The following FIGN variants were observed in gnomAD, a reference collection of about 807,000 sequenced individuals.
FIGN encodes the protein fidgetin.
In FIGN, 11 loss-of-function variants were observed where a neutral mutation model predicts 51.3. That is an observed-to-expected ratio of 0.21 (90% confidence interval 0.13 to 0.35). The LOEUF (loss-of-function observed/expected upper bound fraction) is 0.35, where lower values mean the gene tolerates loss of function less well. FIGN is among the 10% of genes least tolerant of loss of function. FIGN has a pLI of 1.00. For synonymous variants in FIGN, 407 were observed against 363.2 expected (o/e 1.12, Z -1.37); for missense variants, 857 against 943.6 (o/e 0.91, Z 1.20).
chr2:163,724,456 AG>A (rs772035057), intron 2 of FIGN, among the ~76,000 whole-genome samples: 32 of 152,158 alleles, frequency 2.1e-4, no homozygotes, highest in Non-Finnish European at 4.4e-5. Context: ...TCATCTGAGG[AG>A]TTTAAAATCT....
At chr2:163,677,065 T>C (rs1683984345) in intron 2 of FIGN, among the ~76,000 whole-genome samples, 1 of 152,222 alleles carries the variant, frequency 6.6e-6, no homozygotes, top group Non-Finnish European at 1.5e-5. Context: ...ATATCCTTGT[T>C]GACTCTTGCA....
chr2:163,704,778 A>G (rs908451135), intron 2 of FIGN, among the ~76,000 whole-genome samples: 2 of 151,896 alleles, frequency 1.3e-5, no homozygotes, highest in African/African-American at 4.8e-5. Flanking sequence ...AGCTAATGGG[A>G]TATTTCAAAT....
chr2:163,728,244 G>T lies in FIGN; in HGVS notation c.25+6659C>A, dbSNP rs193110948. 2.9e-3 allele frequency among the ~76,000 whole-genome samples: 394 copies of T among 135,374 alleles called. 1 individual carries two copies. The highest frequency in any genetic ancestry group is 0.011 in the African/African-American group (385 of 33,908). 88.8% of individuals were successfully genotyped at this position (135,374 alleles called of 152,430 possible). The stretch of plus-strand genomic sequence containing the variant: ...CAGCATTTTGTATCAGATAATGTAG[G>T]ATTTCTACATAAAAATACTCATTTT... On this transcript the variant is annotated intron_variant, in intron 2 of 2. Transcript: ENST00000333129.
chr2:163,709,650 C>T (rs77627266), intron 2 of FIGN, among the ~76,000 whole-genome samples: 1,686 of 152,258 alleles, frequency 0.011, 20 homozygotes, highest in Non-Finnish European at 0.014. Context: ...CTGAACAGGA[C>T]TTTGCAGACC....
intron 2 of FIGN, among the ~76,000 whole-genome samples, chr2:163,710,963 A>G (rs147261716): frequency 2.6e-5 from 4 of 152,336 alleles, no homozygotes; most frequent in African/African-American, 9.6e-5. Flanking sequence ...CTTTTCAATT[A>G]ATATAAACTT....
In FIGN at chr2:163,611,350, G is replaced by C; in HGVS notation, c.482C>G (p.Pro161Arg). ...TCCACAGGTACTACTTGAATAACTA[G>C]GTTCTGTCAGGTTGCTGGCTACCCC... ...SPGVASNLTE[P>R]SYSSSTCGSH... Residue 161 changes from proline to arginine, a missense_variant, in exon 3 of 3, where the codon CCT becomes CGT. Pro to Arg is a moderately radical substitution (Grantham distance 103). Coordinates refer to ENST00000333129, the MANE Select transcript of FIGN (RefSeq NM_018086.4). 1 of 1,614,140 alleles carries C rather than the reference G, an allele frequency of 6.2e-7. No individual in the cohort carries two copies. The highest frequency in any genetic ancestry group is 8.5e-7 in the Non-Finnish European group (1 of 1,180,026).
intron 2 of FIGN, among the ~76,000 whole-genome samples, chr2:163,707,081 CCT>C (rs1299373411): frequency 3.3e-5 from 5 of 152,020 alleles, no homozygotes; most frequent in Admixed American, 3.3e-4. Context: ...AAATTTCAAT[CCT>C]CTTTTATTTC....
intron 2 of FIGN, among the ~76,000 whole-genome samples, chr2:163,672,960 T>C (rs757927377): frequency 2.0e-5 from 3 of 152,208 alleles, no homozygotes; most frequent in Non-Finnish European, 4.4e-5. Flanking sequence ...TGAAGTGCAA[T>C]AGGGGACCAA....
At position 163,660,881 on chromosome 2, in the gene FIGN, T is replaced by TATA. The variant is rs1559012670; in HGVS notation, c.26-49076_26-49075insTAT. ...TACATATATATATATATATATATAT[T>TATA]TTTTTTTTTTTTTTTTTTTTTTTTG... is the stretch of plus-strand genomic sequence containing the variant. On this transcript the variant is annotated intron_variant, in intron 2 of 2. Transcript: ENST00000333129. Among the ~76,000 whole-genome samples the TATA allele has an allele frequency of 5.2e-3, 12 of 2,302 alleles. 1 individual carries two copies. Among genetic ancestry groups the TATA allele is most frequent in the African/African-American group, 8.8e-3 (12 of 1,362 alleles). 1.5% of individuals were successfully genotyped at this position (2,302 alleles called of 152,430 possible).
chr2:163,629,751 G>T (rs527941033), intron 2 of FIGN, among the ~76,000 whole-genome samples: 1 of 151,966 alleles, frequency 6.6e-6, no homozygotes, highest in Admixed American at 6.6e-5. Flanking sequence ...AATATTTACC[G>T]TCTATCCCTT....
At chr2:163,652,757 G>A (rs1683498469) in intron 2 of FIGN, among the ~76,000 whole-genome samples, 1 of 151,990 alleles carries the variant, frequency 6.6e-6, no homozygotes, top group Non-Finnish European at 1.5e-5. Context: ...TAAAATGTCT[G>A]TATTTGCTGA....
chr2:163,685,048 G>A (rs1329863031), intron 2 of FIGN, among the ~76,000 whole-genome samples: 2 of 151,164 alleles, frequency 1.3e-5, no homozygotes, highest in Non-Finnish European at 2.9e-5. Context: ...GCCTCCCAAA[G>A]TGCTGGGATT....
chr2:163,707,159 C>T (rs192389638), intron 2 of FIGN, among the ~76,000 whole-genome samples: 132 of 152,094 alleles, frequency 8.7e-4, no homozygotes, highest in African/African-American at 3.1e-3. Flanking sequence ...CTCCTCTGGC[C>T]AACATGGTGA....
intron 2 of FIGN, among the ~76,000 whole-genome samples, chr2:163,644,353 T>C (rs549597306): frequency 6.6e-6 from 1 of 152,190 alleles, no homozygotes; most frequent in Non-Finnish European, 1.5e-5. Context: ...TTAGTCATCA[T>C]GAAAATGCAA....
At chr2:163,623,466 G>A (rs1683004561) in intron 2 of FIGN, among the ~76,000 whole-genome samples, 1 of 152,028 alleles carries the variant, frequency 6.6e-6, no homozygotes, top group Admixed American at 6.6e-5. Context: ...GAAGGTCTAG[G>A]TTTACAGGAA....
intron 2 of FIGN, among the ~76,000 whole-genome samples, chr2:163,693,198 A>G (rs576445912): frequency 6.6e-6 from 1 of 152,260 alleles, no homozygotes; most frequent in East Asian, 1.9e-4. Context: ...CACAACTGGC[A>G]TAGGCCCTTT....
chr2:163,650,419 T>C (rs1683453669), intron 2 of FIGN, among the ~76,000 whole-genome samples: 1 of 152,138 alleles, frequency 6.6e-6, no homozygotes, highest in African/African-American at 2.4e-5. Context: ...ATACTTTAAG[T>C]TCTGCGACAC....
At chr2:163,667,729 T>C in intron 2 of FIGN, among the ~76,000 whole-genome samples, 1 of 152,174 alleles carries the variant, frequency 6.6e-6, no homozygotes, top group Non-Finnish European at 1.5e-5. Flanking sequence ...ATTAATCATA[T>C]CCTGTTCTAG....
intron 1 of FIGN, among the ~76,000 whole-genome samples, chr2:163,735,323 C>T (rs1212354860): frequency 6.6e-6 from 1 of 152,156 alleles, no homozygotes; most frequent in Non-Finnish European, 1.5e-5. Flanking sequence ...TGTACCCCCT[C>T]CTAGATGATG....
Sources: allele counts gnomAD v4.1 joint callset (sites outside exome capture counted in the v4.1 genomes callset), GRCh38; gene constraint gnomAD v4.1.1; transcripts MANE v1.5; gene names NCBI Gene and HGNC (gene_info 2026-07-23, HGNC 2026-07-21).